Variants in CTNND2 observed in about 807,000 individuals in gnomAD.
CTNND2 encodes the protein catenin delta-2.
CTNND2 carries 22 observed loss-of-function variants against 144.4 expected under a neutral mutation model. The observed-to-expected ratio is 0.15, with a 90% CI of 0.11 to 0.22. The LOEUF (loss-of-function observed/expected upper bound fraction) is 0.22. Ranked by LOEUF, CTNND2 falls within the 10% of genes least tolerant of loss-of-function variation. The probability of loss-of-function intolerance (pLI) is 1.00; values close to 1 mark genes in which losing one functional copy is unlikely to be tolerated. For synonymous variants in CTNND2, 751 were observed against 695.6 expected, an observed-to-expected ratio of 1.08 and a Z score of -1.25; for missense variants, 1,353 against 1,618.8, an observed-to-expected ratio of 0.84 and a Z score of 2.82.
chr5:11,210,173 G>A (rs368929152), intron 10 of CTNND2, among the ~76,000 whole-genome samples: 1 of 152,098 alleles, frequency 6.6e-6, no homozygotes, highest in East Asian at 1.9e-4. Flanking sequence ...AAGATGTGCA[G>A]ATCACTTGAG....
intron 12 of CTNND2, among the ~76,000 whole-genome samples, chr5:11,157,342 A>T (rs958531279): frequency 1.3e-5 from 2 of 152,074 alleles, no homozygotes; most frequent in Non-Finnish European, 2.9e-5. Flanking sequence ...TGTTTAGCCC[A>T]ATCTCACCTG....
Position 11,008,182 on chromosome 5 carries a change from T to C in CTNND2, c.3084+9792A>G, listed in dbSNP as rs372717834. ...TGAGAGGGAGTGGGAGACTGAATAA[T>C]ACTGCCTCCCCCATAGAAGATGTCA... On this transcript the variant is annotated intron_variant, in intron 18 of 21. Transcript: ENST00000304623. Among the ~76,000 whole-genome samples the C allele has an allele frequency of 9.9e-5, 15 of 152,266 alleles. No individual in the cohort carries two copies. In the East Asian group the frequency reaches 1.7e-3, roughly 18 times the overall value.
chr5:11,768,449 C>T (rs1789724256), intron 1 of CTNND2, among the ~76,000 whole-genome samples: 1 of 152,146 alleles, frequency 6.6e-6, no homozygotes, highest in Admixed American at 6.5e-5. Context: ...ACCACCTTAC[C>T]CAGCTAATTT....
intron 5 of CTNND2, among the ~76,000 whole-genome samples, chr5:11,409,719 T>C (rs2149835198): frequency 6.6e-6 from 1 of 152,172 alleles, no homozygotes; most frequent in Admixed American, 6.5e-5. Context: ...ATTCTTCCAA[T>C]CCCACTCTTT....
rs146478035 is a variant in CTNND2 at position 11,626,828 on chromosome 5, G to A, written c.175-61772C>T. 3.0e-3 allele frequency among the ~76,000 whole-genome samples: 459 copies of A among 152,274 alleles called. 2 individuals are homozygous for A. The highest frequency in any genetic ancestry group is 0.01 in the African/African-American group (434 of 41,554). ...CAAGAAGAGTTTTACAAGTGCATGAGCACACACATTCACACACAAATTGAA... is the reference window on the plus strand; with the variant it reads ...CAAGAAGAGTTTTACAAGTGCATGAACACACACATTCACACACAAATTGAA... On this transcript the variant is annotated intron_variant, in intron 2 of 21. Coordinates refer to ENST00000304623, the MANE Select transcript of CTNND2 (RefSeq NM_001332.4).
chr5:11,325,001 T>G (rs2150074207), intron 9 of CTNND2, among the ~76,000 whole-genome samples: 1 of 152,088 alleles, frequency 6.6e-6, no homozygotes, highest in East Asian at 1.9e-4. Context: ...AATCAAAGTC[T>G]GTAGTGCAAG....
chr5:11,173,344 A>G (rs1355171512), intron 11 of CTNND2, among the ~76,000 whole-genome samples: 3 of 152,200 alleles, frequency 2.0e-5, no homozygotes, highest in African/African-American at 7.2e-5. Context: ...AATTTTCCCA[A>G]GTTCTGGAGA....
intron 1 of CTNND2, among the ~76,000 whole-genome samples, chr5:11,870,240 G>C (rs1370243521): frequency 6.6e-6 from 1 of 152,172 alleles, no homozygotes; most frequent in Non-Finnish European, 1.5e-5. Context: ...AGACATTATT[G>C]GTTGTTACAG....
chr5:11,524,294 C>T (rs1773018226), intron 3 of CTNND2, among the ~76,000 whole-genome samples: 2 of 152,208 alleles, frequency 1.3e-5, no homozygotes, highest in South Asian at 2.1e-4. Context: ...AATTGTTTCC[C>T]TGACTTATGA....
chr5:11,110,562 G>A (rs150433454), intron 14 of CTNND2, among the ~76,000 whole-genome samples: 5 of 152,262 alleles, frequency 3.3e-5, no homozygotes, highest in Middle Eastern at 3.4e-3. Context: ...CTAAGTAAAT[G>A]TGTGAATTAA....
intron 2 of CTNND2, among the ~76,000 whole-genome samples, chr5:11,656,450 G>A (rs73743011): frequency 0.012 from 1,796 of 151,702 alleles, 27 homozygotes; most frequent in African/African-American, 0.042. Flanking sequence ...GTGAACCAGA[G>A]TCACTATGCA....
chr5:11,738,394 T>C (rs1462802536), intron 1 of CTNND2, among the ~76,000 whole-genome samples: 1 of 152,206 alleles, frequency 6.6e-6, no homozygotes, highest in Non-Finnish European at 1.5e-5. Flanking sequence ...CTTATAACCA[T>C]AGGTAATAAG....
At chr5:11,252,032 G>C (rs1328358105) in intron 9 of CTNND2, among the ~76,000 whole-genome samples, 1 of 152,162 alleles carries the variant, frequency 6.6e-6, no homozygotes, top group East Asian at 1.9e-4. Context: ...ACAGTAGAAT[G>C]AGATCTTGCA....
At chr5:11,803,626 T>A (rs1791822991) in intron 1 of CTNND2, among the ~76,000 whole-genome samples, 1 of 152,206 alleles carries the variant, frequency 6.6e-6, no homozygotes, top group Non-Finnish European at 1.5e-5. Flanking sequence ...GCCTGTCACA[T>A]GTGACTCACA....
intron 2 of CTNND2, among the ~76,000 whole-genome samples, chr5:11,629,780 C>G (rs1781328173): frequency 6.6e-6 from 1 of 152,056 alleles, no homozygotes; most frequent in Non-Finnish European, 1.5e-5. Flanking sequence ...AAGCAATCCT[C>G]CCACCTCAGC....
intron 12 of CTNND2, among the ~76,000 whole-genome samples, chr5:11,129,226 A>ATATATTATATAT (rs1561353440): frequency 1.0e-4 from 4 of 39,944 alleles, no homozygotes; most frequent in African/African-American, 3.3e-4. Flanking sequence ...TTATATATAA[A>ATATATTATATAT]TATATATTAT....
chr5:11,412,174 G>A (rs1260346405), intron 3 of CTNND2, 105 bp from the exon 4 acceptor site: 6 of 766,360 alleles, frequency 7.8e-6, no homozygotes, highest in East Asian at 2.5e-5. Context: ...CAGTGGCCCC[G>A]TTGCATTTCC....
intron 1 of CTNND2, among the ~76,000 whole-genome samples, chr5:11,778,491 T>C (rs909535311): frequency 6.6e-6 from 1 of 152,158 alleles, no homozygotes; most frequent in Non-Finnish European, 1.5e-5. Context: ...AATATAAGAA[T>C]GGTACTTTAC....
intron 2 of CTNND2, among the ~76,000 whole-genome samples, chr5:11,725,715 C>A (rs1264411393): frequency 6.6e-6 from 1 of 152,056 alleles, no homozygotes; most frequent in African/African-American, 2.4e-5. Flanking sequence ...AATTATATAT[C>A]TGAGGAAATG....
Sources: gnomAD v4.1 joint callset for allele counts (sites outside exome capture counted in the v4.1 genomes callset) on GRCh38, gnomAD v4.1.1 for gene constraint, MANE v1.5 for transcripts, NCBI Gene and HGNC (gene_info 2026-07-23, HGNC 2026-07-21) for gene names.